MGAT4C: variants seen among roughly 807,000 people sequenced by gnomAD.
MGAT4C encodes alpha-1,3-mannosyl-glycoprotein 4-beta-N-acetylglucosaminyltransferase C.
MGAT4C carries 19 observed loss-of-function variants against 40.1 expected under a neutral mutation model. That is an observed-to-expected ratio of 0.47 (90% CI 0.33 to 0.70). MGAT4C has a LOEUF of 0.70. MGAT4C is among the 30% of genes least tolerant of loss of function. MGAT4C has a pLI of 0.02. For missense variants in MGAT4C, 491 were observed against 563.2 expected, an observed-to-expected ratio of 0.87 and a Z score of 1.30; for synonymous variants, 181 against 187.1, an observed-to-expected ratio of 0.97 and a Z score of 0.27.
At chr12:86,247,822 T>C (rs1371804906) in intron 1 of MGAT4C, among the ~76,000 whole-genome samples, 1 of 152,120 alleles carries the variant, frequency 6.6e-6, no homozygotes, top group Non-Finnish European at 1.5e-5. Context: ...GTTATTATCC[T>C]GTACGTAATG....
At chr12:86,807,833 T>C (rs1002329253) in intron 1 of MGAT4C, among the ~76,000 whole-genome samples, 1 of 152,026 alleles carries the variant, frequency 6.6e-6, no homozygotes, top group African/African-American at 2.4e-5. Context: ...ACTGGCATGA[T>C]ATGGTATCTC....
chr12:86,237,801 T>G (rs1174836869), intron 1 of MGAT4C, among the ~76,000 whole-genome samples: 1 of 151,914 alleles, frequency 6.6e-6, no homozygotes, highest in East Asian at 1.9e-4. Context: ...AGTGACACAG[T>G]GTAATTAACT....
chr12:86,329,520 CT>C (rs1036182430), intron 4 of MGAT4C, among the ~76,000 whole-genome samples: 7 of 152,198 alleles, frequency 4.6e-5, no homozygotes, highest in Admixed American at 3.9e-4. Flanking sequence ...CTAATTCTTA[CT>C]AAACACCTTC....
intron 2 of MGAT4C, among the ~76,000 whole-genome samples, chr12:86,690,501 T>C (rs1335686541): frequency 6.6e-6 from 1 of 152,118 alleles, no homozygotes; most frequent in Non-Finnish European, 1.5e-5. Flanking sequence ...AAAAGCATAG[T>C]GTCTGGGCCA....
chr12:86,786,262 G>C (rs1423755669), intron 1 of MGAT4C, among the ~76,000 whole-genome samples: 1 of 152,104 alleles, frequency 6.6e-6, no homozygotes, highest in Admixed American at 6.5e-5. Flanking sequence ...AATGTTGGTT[G>C]TATCTGTAGG....
chr12:86,827,199 G>T (rs1952824587), intron 1 of MGAT4C, among the ~76,000 whole-genome samples: 1 of 151,496 alleles, frequency 6.6e-6, no homozygotes, highest in Middle Eastern at 3.4e-3. Context: ...CATATTAGCA[G>T]CAGGGAGAGA....
At chr12:86,690,478 C>G (rs145648018) in intron 2 of MGAT4C, among the ~76,000 whole-genome samples, 1 of 152,052 alleles carries the variant, frequency 6.6e-6, no homozygotes, top group African/African-American at 2.4e-5. Flanking sequence ...CTGCTGGTGG[C>G]GAAAACCATG....
chr12:86,223,791 G>A (rs1032064877), intron 1 of MGAT4C, among the ~76,000 whole-genome samples: 5 of 152,072 alleles, frequency 3.3e-5, no homozygotes, highest in African/African-American at 9.7e-5. Context: ...TCTGAGGTCC[G>A]GCAAACCCAA....
At chr12:86,347,238 C>A (rs907952842) in intron 3 of MGAT4C, among the ~76,000 whole-genome samples, 1 of 152,106 alleles carries the variant, frequency 6.6e-6, no homozygotes, top group Admixed American at 6.6e-5. Flanking sequence ...CTGACTACTA[C>A]ACATGGCATA....
At chr12:86,249,942 A>C (rs1300152433) in intron 1 of MGAT4C, among the ~76,000 whole-genome samples, 1 of 152,150 alleles carries the variant, frequency 6.6e-6, no homozygotes, top group Non-Finnish European at 1.5e-5. Context: ...AAAACTTATC[A>C]CAATGGATTG....
At chr12:86,175,375 A>T (rs970431463) in intron 1 of MGAT4C, among the ~76,000 whole-genome samples, 1 of 152,146 alleles carries the variant, frequency 6.6e-6, no homozygotes, top group Non-Finnish European at 1.5e-5. Context: ...CATTGCTTTT[A>T]CATCCTAAAT....
chr12:86,192,797 A>G (rs1358878630), intron 1 of MGAT4C, among the ~76,000 whole-genome samples: 2 of 152,164 alleles, frequency 1.3e-5, no homozygotes, highest in African/African-American at 2.4e-5. Flanking sequence ...TCCCATTATG[A>G]TGGTAAGTTT....
At chr12:86,333,799 A>G (rs1954726205) in intron 4 of MGAT4C, among the ~76,000 whole-genome samples, 1 of 152,180 alleles carries the variant, frequency 6.6e-6, no homozygotes, top group Non-Finnish European at 1.5e-5. Flanking sequence ...TGGAATAGCA[A>G]AACCATGTAA....
intron 1 of MGAT4C, among the ~76,000 whole-genome samples, chr12:86,191,748 A>G (rs1889506497): frequency 3.4e-5 from 1 of 29,078 alleles, no homozygotes. Context: ...TACAGGAGAT[A>G]AAGGTGTGTG....
At chr12:86,398,866 G>A (rs539926853) in intron 3 of MGAT4C, among the ~76,000 whole-genome samples, 255 of 152,270 alleles carry the variant, frequency 1.7e-3, no homozygotes, top group African/African-American at 5.9e-3. Context: ...GGGAAGGAAT[G>A]TCTCACAGGG....
chr12:86,206,136 G>A (rs1950242678), intron 1 of MGAT4C, among the ~76,000 whole-genome samples: 1 of 152,130 alleles, frequency 6.6e-6, no homozygotes, highest in African/African-American at 2.4e-5. Flanking sequence ...GCAGTATTGA[G>A]AGATGGGATC....
chr12:86,131,374 TTTCTA>T (rs1171020049), intron 1 of MGAT4C, among the ~76,000 whole-genome samples: 1 of 152,060 alleles, frequency 6.6e-6, no homozygotes, highest in African/African-American at 2.4e-5. Flanking sequence ...TAGGGTGAGT[TTTCTA>T]TTGCTCTCAA....
intron 1 of MGAT4C, among the ~76,000 whole-genome samples, chr12:86,830,897 G>A (rs1952913999): frequency 6.6e-6 from 1 of 151,794 alleles, no homozygotes; most frequent in African/African-American, 2.4e-5. Context: ...CATGGCCTAT[G>A]TGGGCATTTA....
intron 2 of MGAT4C, among the ~76,000 whole-genome samples, chr12:86,681,788 T>G (rs894357885): frequency 1.3e-5 from 2 of 152,010 alleles, no homozygotes; most frequent in African/African-American, 4.8e-5. Context: ...AAGGTTAACA[T>G]AAGCTCAAAC....
Sources: allele counts gnomAD v4.1 joint callset (sites outside exome capture counted in the v4.1 genomes callset), GRCh38; gene constraint gnomAD v4.1.1; transcripts MANE v1.5; gene names NCBI Gene and HGNC (gene_info 2026-07-23, HGNC 2026-07-21).